Variants in DOT1L observed in about 807,000 individuals in gnomAD.
DOT1L encodes histone-lysine N-methyltransferase, H3 lysine-79 specific.
DOT1L carries 33 observed loss-of-function variants against 153.3 expected under a neutral mutation model. The ratio of observed to expected loss-of-function variants is 0.22; its 90% confidence interval spans 0.16 to 0.29. The LOEUF (loss-of-function observed/expected upper bound fraction) is 0.29, where lower values mean the gene tolerates loss of function less well. Ranked by LOEUF, DOT1L falls within the 10% of genes least tolerant of loss-of-function variation. The pLI, the probability that DOT1L is intolerant of heterozygous loss-of-function variation, is 1.00. For synonymous variants in DOT1L, 1,135 were observed against 965.1 expected, an observed-to-expected ratio of 1.18 and a Z score of -3.26; for missense variants, 1,847 against 2,119.9, an observed-to-expected ratio of 0.87 and a Z score of 2.53.
intron 12 of DOT1L, 133 bp from the exon 13 acceptor site, chr19:2,210,267 G>A: frequency 1.2e-6 from 1 of 830,356 alleles, no homozygotes; most frequent in Non-Finnish European, 1.8e-6. Context: ...TTCCTGATTT[G>A]TGCCACAGAG....
intron 8 of DOT1L, among the ~76,000 whole-genome samples, chr19:2,202,440 T>C (rs1262979564): frequency 6.6e-6 from 1 of 152,240 alleles, no homozygotes; most frequent in African/African-American, 2.4e-5. Context: ...CCCAGATCAC[T>C]GGACTCCAAG....
chr19:2,212,057 GT>G, intron 16 of DOT1L: 1 of 548,436 alleles, frequency 1.8e-6, no homozygotes, highest in Middle Eastern at 4.8e-4. Flanking sequence ...TTTAATCATG[GT>G]TTTGCAAGAC....
At chr19:2,224,624 C>T (rs751298081) in intron 25 of DOT1L, among the ~76,000 whole-genome samples, 2 of 151,980 alleles carry the variant, frequency 1.3e-5, no homozygotes, top group Non-Finnish European at 2.9e-5. Flanking sequence ...ACGCTACCAC[C>T]GTGCCTCGTT....
At chr19:2,166,296 A>G (rs1251849318) in intron 1 of DOT1L, among the ~76,000 whole-genome samples, 1 of 147,584 alleles carries the variant, frequency 6.8e-6, no homozygotes, top group African/African-American at 2.5e-5. Context: ...GGGTTTCTCC[A>G]TGTTCATCAG....
chr19:2,177,089 C>T (rs2021978937), intron 1 of DOT1L, among the ~76,000 whole-genome samples: 1 of 152,220 alleles, frequency 6.6e-6, no homozygotes, highest in Non-Finnish European at 1.5e-5. Context: ...CAACATCCCG[C>T]AGCAGTCTGT....
intron 27 of DOT1L, 43 bp from the exon 28 acceptor site, chr19:2,229,742 G>A (rs749584234): frequency 2.3e-5 from 37 of 1,612,368 alleles, no homozygotes; most frequent in Middle Eastern, 3.3e-4. Flanking sequence ...CCCCAGGCGC[G>A]ATGGTAACCT....
chr19:2,168,737 C>A (rs996576253), intron 1 of DOT1L, among the ~76,000 whole-genome samples: 1 of 152,082 alleles, frequency 6.6e-6, no homozygotes, highest in Admixed American at 6.6e-5. Flanking sequence ...GTCTCAGCCT[C>A]CCCAGTAGGT....
At chr19:2,170,245 A>T (rs559288654) in intron 1 of DOT1L, among the ~76,000 whole-genome samples, 22 of 152,348 alleles carry the variant, frequency 1.4e-4, no homozygotes, top group Non-Finnish European at 2.8e-4. Context: ...ACAGGAAGAT[A>T]GTGTCCGAGA....
rs771094188 is a variant in DOT1L, at chr19:2,213,278, T to C, written c.1558-261T>C. 251 of 412,162 alleles carry C rather than the reference T, an allele frequency of 6.1e-4. 3 individuals are homozygous for C. The highest frequency in any genetic ancestry group is 1.3e-4 in the Non-Finnish European group (29 of 226,714). The allele number at this position is 412,162 out of a possible 1,614,324, so 25.5% of individuals were successfully genotyped here. On this transcript the variant is annotated intron_variant, in intron 16 of 27. Transcript: ENST00000398665. ...CCGGCCTCTGCGTGGCTGGGGGCGC[T>C]GCCCTGGCTGAGTCCAGGTGGGGTG...
In DOT1L at chr19:2,226,567, C is replaced by G. The variant is rs747641301; in HGVS notation, c.4046C>G (p.Ser1349Cys). 1.2e-6 allele frequency: 2 copies of G among 1,600,308 alleles called. No individual in the cohort carries two copies. Among genetic ancestry groups the G allele is most frequent in the South Asian group, 2.2e-5 (2 of 90,682 alleles). The change falls in exon 27 of 28, where the codon TCC becomes TGC. Residue 1349 changes from serine (S) to cysteine (C), a missense_variant. Ser to Cys is a moderately radical substitution (Grantham distance 112, BLOSUM62 -1). Around this residue, in one of 8 missense-constraint regions of DOT1L, gnomAD observed 934 missense variants for 825.3 expected, o/e 1.13. Coordinates refer to ENST00000398665, the MANE Select transcript of DOT1L (RefSeq NM_032482.3). ...GGCCCCGAGGCGGCCGGCCTGAGCT[C>G]CCCGCTGAGCTTCCCCTCGCAGCGC... ...HKGPEAAGLS[S>C]PLSFPSQRGK...
chr19:2,216,388 C>T lies in DOT1L; in HGVS notation c.2031C>T (p.Gly677=), dbSNP rs767585695. 1.1e-5 allele frequency: 17 copies of T among 1,612,162 alleles called. No homozygotes were observed. Among genetic ancestry groups the T allele is most frequent in the African/African-American group, 6.7e-5 (5 of 74,928 alleles). ...TGTCCCTGCACCTGCGTGGGAAGGG[C>T]GCCCTGGGCCGCGAGCTGGAGCCTG... ...DALSLHLRGK[G]ALGRELEPDA... The change falls in exon 20 of 28, where the codon GGC becomes GGT. Residue 677 remains glycine (G), a synonymous_variant. Coordinates refer to ENST00000398665, the MANE Select transcript of DOT1L (RefSeq NM_032482.3).
chr19:2,176,467 C>G (rs1207858919), intron 1 of DOT1L, among the ~76,000 whole-genome samples: 7 of 152,226 alleles, frequency 4.6e-5, no homozygotes, highest in South Asian at 2.1e-4. Flanking sequence ...TAGAAGTACA[C>G]TTACGTGGCC....
chr19:2,196,791 C>T (rs1328630112), intron 7 of DOT1L, among the ~76,000 whole-genome samples: 1 of 152,174 alleles, frequency 6.6e-6, no homozygotes, highest in Non-Finnish European at 1.5e-5. Flanking sequence ...AAGACGGGTA[C>T]CCTTCCCTGC....
intron 1 of DOT1L, among the ~76,000 whole-genome samples, chr19:2,177,883 A>C (rs545638350): frequency 1.1e-4 from 17 of 148,582 alleles, no homozygotes; most frequent in Non-Finnish European, 2.4e-4. Context: ...TGCCTCAGCC[A>C]CTGAGTATCT....
chr19:2,217,802 G>C lies in DOT1L; in HGVS notation c.2575G>C (p.Gly859Arg). ...GLRERAYGSS[G>R]ELITSLPISI... Reference sequence around the variant, plus strand: ...GAGAGAGCGCGCCTACGGCAGCAGCGGGGAGCTCATCACCAGCCTGCCCAT... The same window carrying C: ...GAGAGAGCGCGCCTACGGCAGCAGCCGGGAGCTCATCACCAGCCTGCCCAT... Residue 859 changes from glycine (G) to arginine (R), a missense_variant, in exon 22 of 28, where the codon GGG becomes CGG. Transcript: ENST00000398665. This position sits in a 1 kb window ranked among gnomAD's most constrained non-coding sequence, Gnocchi z 7.3. The C allele has an allele frequency of 6.2e-7, 1 of 1,605,188 alleles. No homozygotes were observed. Among genetic ancestry groups the C allele is most frequent in the African/African-American group, 1.3e-5 (1 of 74,820 alleles).
intron 1 of DOT1L, among the ~76,000 whole-genome samples, chr19:2,179,785 CGACA>C (rs947812610): frequency 6.6e-6 from 1 of 151,996 alleles, no homozygotes; most frequent in Non-Finnish European, 1.5e-5. Flanking sequence ...CCAGCCTGGG[CGACA>C]AACAAACAAA....
In DOT1L at chr19:2,222,426, G is replaced by C; in HGVS notation, c.3257G>C (p.Arg1086Pro). ...AGCCACGGGCAGGACAGTCGCAGGC[G>C]CGGCCGGCGGAAGCGAGCATCTGCG... ...VPSHGQDSRR[R>P]GRRKRASAGT... is the part of the protein sequence containing the mutation. Residue 1086 changes from arginine to proline, a missense_variant, in exon 24 of 28, where the codon CGC becomes CCC. This residue lies in a region of DOT1L where 934 missense variants were observed against 825.3 expected (regional missense o/e 1.13). Transcript: ENST00000398665. The surrounding 1 kb of genome is among the most constrained non-coding windows in gnomAD (Gnocchi z 6.5). 6.2e-7 allele frequency: 1 copy of C among 1,609,782 alleles called. No individual in the cohort carries two copies. The highest frequency in any genetic ancestry group is 8.5e-7 in the Non-Finnish European group (1 of 1,178,598).
chr19:2,211,283 ACGCTGACCT>A (rs2023705682), intron 15 of DOT1L, 71 bp downstream of exon 15: 2 of 1,363,258 alleles, frequency 1.5e-6, no homozygotes, highest in South Asian at 2.6e-5. Flanking sequence ...GTGGGTTGTG[ACGCTGACCT>A]CGCAGCAGCC....
At chr19:2,166,773 G>T (rs771354378) in intron 1 of DOT1L, among the ~76,000 whole-genome samples, 2 of 152,284 alleles carry the variant, frequency 1.3e-5, no homozygotes, top group Non-Finnish European at 1.5e-5. Flanking sequence ...TGGTTGCAGG[G>T]TACAGTTCTA....
Sources: gnomAD v4.1 joint callset for allele counts (sites outside exome capture counted in the v4.1 genomes callset) on GRCh38, gnomAD v4.1.1 for gene constraint, gnomAD v4.1.1 regional missense constraint, Gnocchi (gnomAD v3.1) non-coding constraint, MANE v1.5 for transcripts, NCBI Gene and HGNC (gene_info 2026-07-23, HGNC 2026-07-21) for gene names.